The following NCAM1 variants were observed in gnomAD, a reference collection of about 807,000 sequenced individuals.
NCAM1 encodes neural cell adhesion molecule 1.
In NCAM1, 14 loss-of-function variants were observed where a neutral mutation model predicts 109.8. The observed-to-expected ratio is 0.13, with a 90% CI of 0.08 to 0.20. The LOEUF is 0.20. Among genes scored for constraint, NCAM1 ranks in the 10% least tolerant of loss-of-function variants. The probability of loss-of-function intolerance (pLI) is 1.00; values close to 1 mark genes in which losing one functional copy is unlikely to be tolerated. For missense variants in NCAM1, 774 were observed against 1,109.9 expected (o/e 0.70, Z 4.30); for synonymous variants, 418 against 442.9 (o/e 0.94, Z 0.70).
At position 113,265,771 on chromosome 11, in the gene NCAM1, G is replaced by T. The variant is rs376916079; in HGVS notation, c.2132-4417G>T. On this transcript the variant is annotated intron_variant, in intron 17 of 19. Transcript: ENST00000316851. ...CCAAGAGTCTGACCATCTTCTGGGA[G>T]TCTTGGGGGTGAAAAGGGCATTTCT... Among the ~76,000 whole-genome samples, 40 of 152,272 alleles carry T rather than the reference G, an allele frequency of 2.6e-4. No homozygotes were observed. The East Asian group carries it at 4.6e-3, about 18-fold the overall frequency.
intron 1 of NCAM1, among the ~76,000 whole-genome samples, chr11:113,111,665 C>T (rs1340448613): frequency 6.6e-6 from 1 of 152,106 alleles, no homozygotes; most frequent in Non-Finnish European, 1.5e-5. Context: ...TAAATTATTC[C>T]TCAGTAAACG....
chr11:112,980,440 G>C (rs549092417), intron 1 of NCAM1, among the ~76,000 whole-genome samples: 3 of 151,840 alleles, frequency 2.0e-5, no homozygotes, highest in Admixed American at 6.6e-5. Flanking sequence ...ATCAATTGAT[G>C]AATGGACCAA....
chr11:113,110,779 G>A (rs1374548849), intron 1 of NCAM1, among the ~76,000 whole-genome samples: 1 of 152,166 alleles, frequency 6.6e-6, no homozygotes, highest in Non-Finnish European at 1.5e-5. Flanking sequence ...CTTGTGGCCT[G>A]GTTCCATGCC....
At chr11:113,097,431 T>C (rs940931910) in intron 1 of NCAM1, among the ~76,000 whole-genome samples, 3 of 152,022 alleles carry the variant, frequency 2.0e-5, no homozygotes, top group Non-Finnish European at 2.9e-5. Context: ...GTTTGTTGAG[T>C]TCAACTGAAA....
At chr11:113,240,541 T>C (rs1945290230) in intron 14 of NCAM1, 2 of 524,796 alleles carry the variant, frequency 3.8e-6, no homozygotes, top group African/African-American at 3.9e-5. Context: ...CAGCTGTTCC[T>C]GGCCCAGACT....
intron 1 of NCAM1, among the ~76,000 whole-genome samples, chr11:113,126,852 C>G (rs955499466): frequency 5.9e-5 from 9 of 152,224 alleles, no homozygotes; most frequent in Non-Finnish European, 1.0e-4. Flanking sequence ...TTAGGTAGAA[C>G]TGCCATAGTG....
At chr11:113,096,779 A>C (rs963534071) in intron 1 of NCAM1, among the ~76,000 whole-genome samples, 9 of 151,794 alleles carry the variant, frequency 5.9e-5, no homozygotes, top group Non-Finnish European at 1.3e-4. Context: ...CTTACTTTTC[A>C]TTCTCCTATC....
chr11:112,964,396 A>C (rs550874217), intron 1 of NCAM1, among the ~76,000 whole-genome samples: 9 of 152,232 alleles, frequency 5.9e-5, no homozygotes, highest in Admixed American at 3.3e-4. Context: ...GTTTTGAAGA[A>C]TTGTTCGCTT....
At chr11:113,254,068 A>G (rs1222997595) in intron 15 of NCAM1, among the ~76,000 whole-genome samples, 1 of 152,220 alleles carries the variant, frequency 6.6e-6, no homozygotes. Context: ...TCTAAAATCT[A>G]TGCCACTTTG....
Position 113,232,591 on chromosome 11 carries a change from TG to T in NCAM1, c.1426-124del, listed in dbSNP as rs1459627380. On this transcript the variant is annotated intron_variant, in intron 11 of 19. Coordinates refer to ENST00000316851, the MANE Select transcript of NCAM1 (RefSeq NM_181351.5). The stretch of plus-strand genomic sequence containing the variant: ...GCTATTCTTTTCTCTTGTTTAAGGC[TG>T]GGCTGGAGCTAATGATTTATACTTT... 41 of 854,786 alleles carry T rather than the reference TG, an allele frequency of 4.8e-5. No homozygotes were observed. In the East Asian group the frequency reaches 8.7e-4, roughly 18 times the overall value. 53.0% of individuals were successfully genotyped at this position (854,786 alleles called of 1,614,324 possible). A position where few individuals can be genotyped will look rare whatever the true frequency, so the allele number is the denominator to read the frequency against.
chr11:113,068,608 A>T (rs527880670), intron 1 of NCAM1, among the ~76,000 whole-genome samples: 1 of 152,344 alleles, frequency 6.6e-6, no homozygotes, highest in South Asian at 2.1e-4. Flanking sequence ...AATTCCTGTG[A>T]TTAATTCCAC....
At chr11:113,128,177 C>T (rs1057176293) in intron 1 of NCAM1, among the ~76,000 whole-genome samples, 1 of 152,204 alleles carries the variant, frequency 6.6e-6, no homozygotes, top group South Asian at 2.1e-4. Context: ...ATACGCTCAG[C>T]ATCGCCCATT....
At chr11:113,117,492 T>G (rs1377849181) in intron 1 of NCAM1, among the ~76,000 whole-genome samples, 1 of 151,954 alleles carries the variant, frequency 6.6e-6, no homozygotes, top group African/African-American at 2.4e-5. Flanking sequence ...CAACTATTTG[T>G]GTTGTGAAAG....
intron 1 of NCAM1, among the ~76,000 whole-genome samples, chr11:113,078,132 G>A (rs566226325): frequency 2.6e-5 from 4 of 152,150 alleles, no homozygotes; most frequent in Admixed American, 6.5e-5. Flanking sequence ...ATCAAGTGTC[G>A]GCAGGACTGT....
chr11:112,996,991 C>T (rs1365057223), intron 1 of NCAM1, among the ~76,000 whole-genome samples: 1 of 152,114 alleles, frequency 6.6e-6, no homozygotes, highest in African/African-American at 2.4e-5. Flanking sequence ...ATTTCCAATG[C>T]GAACAGCTGG....
At chr11:113,075,212 G>A (rs1938475103) in intron 1 of NCAM1, among the ~76,000 whole-genome samples, 1 of 152,020 alleles carries the variant, frequency 6.6e-6, no homozygotes, top group Non-Finnish European at 1.5e-5. Flanking sequence ...GAGTACAGGT[G>A]CACACAACCA....
chr11:113,212,826 T>C (rs1944427848), intron 7 of NCAM1, among the ~76,000 whole-genome samples: 1 of 152,212 alleles, frequency 6.6e-6, no homozygotes, highest in African/African-American at 2.4e-5. Context: ...AGTTGTAATA[T>C]TCTCAAAAAT....
intron 1 of NCAM1, among the ~76,000 whole-genome samples, chr11:113,173,483 T>G (rs539300227): frequency 6.6e-6 from 1 of 151,570 alleles, no homozygotes; most frequent in East Asian, 1.9e-4. Context: ...GCTATGTGCG[T>G]GGTCTCTGCT....
rs1555118286 is a variant in NCAM1 at position 113,236,352 on chromosome 11, A to G, written c.1825+1188A>G. 4 of 1,604,636 alleles carry G rather than the reference A, an allele frequency of 2.5e-6. No homozygotes were observed. The African/African-American group carries it at 5.4e-5, about 22-fold the overall frequency. On this transcript the variant is annotated intron_variant, in intron 14 of 19. Transcript: ENST00000316851. ...TTCATACCTCATTACCTGTTTCCAT[A>G]GCGTTAACATCTGCTAGTTCTAGTT...
Sources: gnomAD v4.1 joint callset for allele counts (sites outside exome capture counted in the v4.1 genomes callset) on GRCh38, gnomAD v4.1.1 for gene constraint, MANE v1.5 for transcripts, NCBI Gene and HGNC (gene_info 2026-07-23, HGNC 2026-07-21) for gene names.